The following FBXO36 variants were observed in gnomAD, a reference collection of about 807,000 sequenced individuals.
The protein encoded by FBXO36 is F-box only protein 36.
A neutral mutation model predicts 17.0 loss-of-function variants in FBXO36; 18 were observed. The ratio of observed to expected loss-of-function variants is 1.06; its 90% CI spans 0.73 to 1.57. The LOEUF (loss-of-function observed/expected upper bound fraction) is 1.57. FBXO36 is among the 40% of genes most tolerant of loss of function. The pLI is 0.00. For missense variants in FBXO36, 229 were observed against 221.9 expected (o/e 1.03, Z -0.20); for synonymous variants, 83 against 85.3 (o/e 0.97, Z 0.15).
chr2:230,010,798 C>T lies in FBXO36; in HGVS notation c.481C>T (p.Leu161=). 1 of 1,613,980 alleles carries T rather than the reference C, an allele frequency of 6.2e-7. No individual in the cohort carries two copies. The change falls in exon 4 of 4, where the codon CTG becomes TTG. Residue 161 remains leucine, a synonymous_variant. Coordinates refer to ENST00000283946, the MANE Select transcript of FBXO36 (RefSeq NM_174899.5). ...GGCGGAGGACACAGGCTGGAGACAG[C>T]TGTTCTTCACCAACAAGCTCCAGCT... ...ALAEDTGWRQ[L]FFTNKLQLQR...
chr2:229,954,798 C>T (rs1214927201), intron 1 of FBXO36, among the ~76,000 whole-genome samples: 1 of 151,412 alleles, frequency 6.6e-6, no homozygotes, highest in African/African-American at 2.4e-5. Flanking sequence ...CCGCCTGCCT[C>T]GGCCTCCTAA....
rs564098318 is a variant in FBXO36, at chr2:229,966,014, A to G, written c.97-10227A>G. Among the ~76,000 whole-genome samples the G allele has an allele frequency of 5.9e-4, 90 of 152,168 alleles. 1 individual carries two copies. The highest frequency in any genetic ancestry group is 1.2e-3 in the South Asian group (6 of 4,822). On this transcript the variant is annotated intron_variant, in intron 1 of 3. Transcript: ENST00000283946. ...CCACCAACAGTGTAAAAGTGTTTCT[A>G]TTTCTCCACATTGTCTCCAGCACCT... is the stretch of plus-strand genomic sequence containing the variant.
intron 1 of FBXO36, chr2:229,943,199 AAG>A (rs1452583331): frequency 6.6e-6 from 1 of 152,342 alleles, no homozygotes; most frequent in African/African-American, 2.4e-5. Flanking sequence ...CAATAGGTGA[AAG>A]AGAGGTGGGG....
chr2:229,924,371 A>C (rs1252811674), intron 1 of FBXO36, among the ~76,000 whole-genome samples: 1 of 152,084 alleles, frequency 6.6e-6, no homozygotes, highest in Non-Finnish European at 1.5e-5. Flanking sequence ...AGGATTATAG[A>C]CTTGAGCCAC....
intron 3 of FBXO36, among the ~76,000 whole-genome samples, chr2:230,004,553 C>T (rs532487604): frequency 2.6e-5 from 4 of 152,172 alleles, no homozygotes; most frequent in Non-Finnish European, 5.9e-5. Context: ...TTTGCATGTC[C>T]TTCCGGAGAT....
At chr2:229,923,847 G>GTTTT (rs71045800) in intron 1 of FBXO36, among the ~76,000 whole-genome samples, 748 of 77,610 alleles carry the variant, frequency 9.6e-3, no homozygotes, top group Non-Finnish European at 0.011. Context: ...TTTTGGTGTT[G>GTTTT]TTTTTTTTTT....
At chr2:229,980,284 C>T (rs1483456609) in intron 2 of FBXO36, among the ~76,000 whole-genome samples, 1 of 146,544 alleles carries the variant, frequency 6.8e-6, no homozygotes, top group Admixed American at 6.9e-5. Flanking sequence ...TGGTCTCGAA[C>T]TCCTGGCCTC....
At chr2:229,969,056 CA>C (rs1484698536) in intron 1 of FBXO36, among the ~76,000 whole-genome samples, 1 of 152,030 alleles carries the variant, frequency 6.6e-6, no homozygotes, top group Non-Finnish European at 1.5e-5. Context: ...GCCACCACAC[CA>C]GGCTCAAATT....
chr2:229,992,837 T>C (rs774500004), intron 2 of FBXO36, among the ~76,000 whole-genome samples: 33 of 152,304 alleles, frequency 2.2e-4, no homozygotes, highest in Middle Eastern at 3.4e-3. Flanking sequence ...GAAGGCTTGA[T>C]TGGGGCTGGA....
chr2:229,973,339 C>G (rs2077190790), intron 1 of FBXO36: 1 of 152,042 alleles, frequency 6.6e-6, no homozygotes, highest in South Asian at 2.1e-4. Context: ...AGCACATATA[C>G]TAAAACTAGA....
At chr2:229,931,696 G>C (rs2076939074) in intron 1 of FBXO36, among the ~76,000 whole-genome samples, 1 of 151,448 alleles carries the variant, frequency 6.6e-6, no homozygotes, top group Admixed American at 6.6e-5. Context: ...AAAATGAGCT[G>C]GGTGTGGTAG....
intron 1 of FBXO36, among the ~76,000 whole-genome samples, chr2:229,972,098 A>T (rs1424329418): frequency 2.7e-5 from 4 of 146,970 alleles, no homozygotes; most frequent in Admixed American, 7.1e-5. Context: ...GGTTCAAGTG[A>T]TTCTCCTGCC....
chr2:229,930,787 A>T (rs569646499), intron 1 of FBXO36, among the ~76,000 whole-genome samples: 1 of 152,222 alleles, frequency 6.6e-6, no homozygotes, highest in East Asian at 1.9e-4. Flanking sequence ...CCCCTTCGCC[A>T]CTGCACCTGA....
At chr2:229,976,118 G>A in intron 1 of FBXO36, 123 bp from the exon 2 acceptor site, 1 of 616,636 alleles carries the variant, frequency 1.6e-6, no homozygotes. Context: ...TGTGATGCCA[G>A]ACTGCAAAGT....
At chr2:229,960,178 TTTTA>T (rs2077113177) in intron 1 of FBXO36, among the ~76,000 whole-genome samples, 1 of 151,968 alleles carries the variant, frequency 6.6e-6, no homozygotes, top group Admixed American at 6.6e-5. Context: ...ATTTATTTAC[TTTTA>T]TTTATTTATT....
chr2:229,969,901 G>T (rs1249514265), intron 1 of FBXO36, among the ~76,000 whole-genome samples: 1 of 152,058 alleles, frequency 6.6e-6, no homozygotes, highest in Non-Finnish European at 1.5e-5. Flanking sequence ...CACCGAAGAG[G>T]ATATATGAAT....
At chr2:229,964,736 G>A (rs2077141937) in intron 1 of FBXO36, among the ~76,000 whole-genome samples, 1 of 152,168 alleles carries the variant, frequency 6.6e-6, no homozygotes, top group South Asian at 2.1e-4. Flanking sequence ...GGCCAGGCTG[G>A]TCTCGAACTC....
rs948749974 is a variant in FBXO36 at position 229,976,400 on chromosome 2, G to A, written c.205+51G>A. On this transcript the variant is annotated intron_variant, in intron 2 of 3. Transcript: ENST00000283946. Reference sequence around the variant, plus strand: ...CCCTGTTAAGTTCTCATTAGTTAGTGGTAGATTTTGTTAAAGAAGTTTCAA... The same window carrying A: ...CCCTGTTAAGTTCTCATTAGTTAGTAGTAGATTTTGTTAAAGAAGTTTCAA... The A allele has an allele frequency of 3.2e-6, 4 of 1,262,552 alleles. No homozygotes were observed. The African/African-American group carries it at 4.4e-5, about 14-fold the overall frequency. 78.2% of individuals were successfully genotyped at this position (1,262,552 alleles called of 1,614,324 possible).
intron 2 of FBXO36, among the ~76,000 whole-genome samples, chr2:229,983,899 A>G (rs1419536072): frequency 2.0e-5 from 3 of 152,224 alleles, no homozygotes; most frequent in Admixed American, 6.6e-5. Flanking sequence ...TGCCTGGCAC[A>G]TAATAAGTAC....
Sources: allele counts gnomAD v4.1 joint callset (sites outside exome capture counted in the v4.1 genomes callset), GRCh38; gene constraint gnomAD v4.1.1; transcripts MANE v1.5; gene names NCBI Gene and HGNC (gene_info 2026-07-23, HGNC 2026-07-21).